The following ARHGAP24 variants were observed in gnomAD, a reference collection of about 807,000 sequenced individuals.
The protein encoded by ARHGAP24 is Rho GTPase activating protein 24.
In ARHGAP24, 50 loss-of-function variants were observed where a neutral mutation model predicts 76.4. The observed-to-expected ratio is 0.65, with a 90% CI of 0.52 to 0.83. The LOEUF (loss-of-function observed/expected upper bound fraction) is 0.83. ARHGAP24 is among the 40% of genes least tolerant of loss of function. ARHGAP24 has a pLI of 0.00. For missense variants in ARHGAP24, 930 were observed against 914.2 expected (o/e 1.02, Z -0.22); for synonymous variants, 345 against 323.3 (o/e 1.07, Z -0.72).
chr4:85,941,549 C>T (rs949955279), intron 4 of ARHGAP24, among the ~76,000 whole-genome samples: 2 of 152,078 alleles, frequency 1.3e-5, no homozygotes, highest in Admixed American at 6.5e-5. Flanking sequence ...GAAAATTCAG[C>T]GTTTCTTTTC....
chr4:85,520,394 T>C (rs1429643912), intron 1 of ARHGAP24, among the ~76,000 whole-genome samples: 1 of 152,150 alleles, frequency 6.6e-6, no homozygotes, highest in Non-Finnish European at 1.5e-5. Flanking sequence ...CTCTTCCGAC[T>C]TCATCTAATG....
In ARHGAP24 at chr4:85,977,644, C is replaced by T; in HGVS notation, c.881C>T (p.Pro294Leu). 1.2e-6 allele frequency: 2 copies of T among 1,613,870 alleles called. No individual in the cohort carries two copies. Among genetic ancestry groups the T allele is most frequent in the Non-Finnish European group, 1.7e-6 (2 of 1,179,844 alleles). The change falls in exon 8 of 10, where the codon CCT becomes CTT. Residue 294 changes from proline (P) to leucine (L), a missense_variant. Coordinates refer to ENST00000395184, the MANE Select transcript of ARHGAP24 (RefSeq NM_001025616.3). ...SVQNLATVFG[P>L]NILRPKVEDP... ...CAGAACTTGGCAACGGTCTTTGGTC[C>T]TAATATCCTGCGCCCCAAAGTGGAA...
At chr4:85,615,743 T>C (rs1397158200) in intron 2 of ARHGAP24, among the ~76,000 whole-genome samples, 1 of 152,216 alleles carries the variant, frequency 6.6e-6, no homozygotes, top group East Asian at 1.9e-4. Context: ...GACTGTAGTA[T>C]GAATTGTGAA....
chr4:85,800,270 G>A (rs1728522256), intron 3 of ARHGAP24, among the ~76,000 whole-genome samples: 1 of 151,970 alleles, frequency 6.6e-6, no homozygotes, highest in African/African-American at 2.4e-5. Flanking sequence ...AAAGCTTAAA[G>A]AGAAAAATGT....
intron 3 of ARHGAP24, among the ~76,000 whole-genome samples, chr4:85,921,829 GGGA>G (rs1735735383): frequency 6.6e-6 from 1 of 152,134 alleles, no homozygotes; most frequent in Non-Finnish European, 1.5e-5. Flanking sequence ...GCACCTGAGA[GGGA>G]TCTAGGCTGC....
chr4:85,600,043 G>T (rs751168760), intron 2 of ARHGAP24, among the ~76,000 whole-genome samples: 1 of 151,688 alleles, frequency 6.6e-6, no homozygotes, highest in Non-Finnish European at 1.5e-5. Flanking sequence ...GTTAAGTGTT[G>T]TAAAGAAAAA....
rs149846880 is a variant in ARHGAP24, at chr4:85,902,926, A to C, written c.269-20722A>C. ...GCCACAAGATGCAACCACAGTTTTG[A>C]AATTCAATGAAAACTTAAAAGTTAC... On this transcript the variant is annotated intron_variant, in intron 3 of 9. Transcript: ENST00000395184. Among the ~76,000 whole-genome samples, 21 of 152,382 alleles carry C rather than the reference A, an allele frequency of 1.4e-4. 1 individual carries two copies. The East Asian group carries it at 4.0e-3, about 29-fold the overall frequency.
chr4:85,929,123 A>G (rs1295555842), intron 4 of ARHGAP24, among the ~76,000 whole-genome samples: 1 of 152,200 alleles, frequency 6.6e-6, no homozygotes, highest in Non-Finnish European at 1.5e-5. Context: ...ATCAGTGTTC[A>G]GGTCAGTGGA....
At position 86,000,862 on chromosome 4, in the gene ARHGAP24, A is replaced by G. The variant is rs1740982003; in HGVS notation, c.*140A>G. The G allele has an allele frequency of 7.0e-6, 9 of 1,279,166 alleles. No homozygotes were observed. Among genetic ancestry groups the G allele is most frequent in the Admixed American group, 2.2e-5 (1 of 45,658 alleles). The allele number at this position is 1,279,166 out of a possible 1,614,324, so 79.2% of individuals were successfully genotyped here. ...AAGGAATATCATTTACAGACATTAA[A>G]CATCCATATCTGCAATGTGTACCAA... On this transcript the variant is annotated 3_prime_UTR_variant, in exon 10 of 10. Coordinates refer to ENST00000395184, the MANE Select transcript of ARHGAP24 (RefSeq NM_001025616.3).
chr4:85,945,017 C>T (rs1737169354), intron 5 of ARHGAP24, among the ~76,000 whole-genome samples: 1 of 151,502 alleles, frequency 6.6e-6, no homozygotes, highest in South Asian at 2.1e-4. Flanking sequence ...TGGCTAATTT[C>T]GTATTTTTAC....
intron 2 of ARHGAP24, among the ~76,000 whole-genome samples, chr4:85,633,535 C>T (rs1164632811): frequency 2.6e-5 from 4 of 151,846 alleles, no homozygotes; most frequent in African/African-American, 9.7e-5. Context: ...CCTCTCAAAT[C>T]TATTTTGCTA....
intron 3 of ARHGAP24, among the ~76,000 whole-genome samples, chr4:85,910,697 C>A (rs972607197): frequency 3.9e-5 from 6 of 152,134 alleles, no homozygotes; most frequent in Admixed American, 6.5e-5. Context: ...GCAGGCAGGT[C>A]AACCCATCAT....
At chr4:85,912,726 G>A (rs1014947881) in intron 3 of ARHGAP24, among the ~76,000 whole-genome samples, 5 of 152,056 alleles carry the variant, frequency 3.3e-5, no homozygotes, top group African/African-American at 1.2e-4. Flanking sequence ...CTCTTATTCA[G>A]TAAATATTAA....
At chr4:85,893,756 G>C (rs1243250558) in intron 3 of ARHGAP24, among the ~76,000 whole-genome samples, 1 of 150,936 alleles carries the variant, frequency 6.6e-6, no homozygotes, top group Non-Finnish European at 1.5e-5. Flanking sequence ...GCTTTCCTTT[G>C]AGGGTAACCG....
At chr4:85,699,209 A>G (rs755813364) in intron 2 of ARHGAP24, among the ~76,000 whole-genome samples, 1 of 152,216 alleles carries the variant, frequency 6.6e-6, no homozygotes, top group Non-Finnish European at 1.5e-5. Flanking sequence ...CAGAGACTAC[A>G]GCAGTATATG....
At chr4:85,534,898 C>T (rs1725404941) in intron 1 of ARHGAP24, among the ~76,000 whole-genome samples, 1 of 149,194 alleles carries the variant, frequency 6.7e-6, no homozygotes, top group Non-Finnish European at 1.5e-5. Flanking sequence ...GGCTAAGGTC[C>T]GTTGGGCTTC....
At chr4:85,567,915 T>C (rs1043104677) in intron 1 of ARHGAP24, among the ~76,000 whole-genome samples, 3 of 152,238 alleles carry the variant, frequency 2.0e-5, no homozygotes, top group Non-Finnish European at 2.9e-5. Context: ...CATTTCTGTT[T>C]TAATGAATTG....
intron 1 of ARHGAP24, among the ~76,000 whole-genome samples, chr4:85,503,789 ATTC>A (rs775738887): frequency 2.0e-5 from 3 of 151,984 alleles, no homozygotes; most frequent in Non-Finnish European, 2.9e-5. Context: ...TGCCTCTCTA[ATTC>A]TTTTAATTGT....
chr4:85,655,298 T>A (rs192603250), intron 2 of ARHGAP24, among the ~76,000 whole-genome samples: 70 of 152,306 alleles, frequency 4.6e-4, no homozygotes, highest in African/African-American at 1.6e-3. Flanking sequence ...TTTAACTAGA[T>A]GTATTATGCA....
Sources: allele counts gnomAD v4.1 joint callset (sites outside exome capture counted in the v4.1 genomes callset), GRCh38; gene constraint gnomAD v4.1.1; transcripts MANE v1.5; gene names NCBI Gene and HGNC (gene_info 2026-07-23, HGNC 2026-07-21).